The following RPS6KA6 variants were observed in gnomAD, a reference collection of about 807,000 sequenced individuals.
The protein encoded by RPS6KA6 is ribosomal protein S6 kinase alpha-6.
RPS6KA6 carries 27 observed loss-of-function variants against 65.4 expected under a neutral mutation model. The observed-to-expected ratio is 0.41, with a 90% CI of 0.30 to 0.57. RPS6KA6 has a LOEUF of 0.57. RPS6KA6 is among the 20% of genes least tolerant of loss of function. The pLI, the probability that RPS6KA6 is intolerant of heterozygous loss-of-function variation, is 0.24. For synonymous variants in RPS6KA6, 190 were observed against 184.2 expected (o/e 1.03, Z -0.26); for missense variants, 486 against 555.6 (o/e 0.87, Z 1.26).
intron 20 of RPS6KA6, among the ~76,000 whole-genome samples, chrX:84,069,844 T>C: frequency 8.9e-6 from 1 of 112,044 alleles, no homozygotes; most frequent in South Asian, 3.7e-4. Flanking sequence ...GAAATGCAAA[T>C]TGAAAACACA....
Position 84,173,637 on chromosome X carries a change from T to C in RPS6KA6, c.82-9250A>G, listed in dbSNP as rs2035720347. Among the ~76,000 whole-genome samples the C allele has an allele frequency of 5.3e-5, 6 of 112,502 alleles. No individual in the cohort carries two copies. The South Asian group carries it at 2.2e-3, about 41-fold the overall frequency. On this transcript the variant is annotated intron_variant, in intron 1 of 21. Coordinates refer to ENST00000262752, the MANE Select transcript of RPS6KA6 (RefSeq NM_014496.5). Reference sequence around the variant, plus strand: ...TATCATAATAGTATTGACTCAATAGTCTTAATTTAGTTTTTTTGTATCATT... The same window carrying C: ...TATCATAATAGTATTGACTCAATAGCCTTAATTTAGTTTTTTTGTATCATT...
rs559789800 is a variant in RPS6KA6, at chrX:84,140,068, G to A, written c.502-4858C>T. ...TAGATATGCAGACAGTCTCCTTCAA[G>A]TATTCAGTGGAGAAATACTCAGCAC... is the stretch of plus-strand genomic sequence containing the variant. On this transcript the variant is annotated intron_variant, in intron 6 of 21. Coordinates refer to ENST00000262752, the MANE Select transcript of RPS6KA6 (RefSeq NM_014496.5). Among the ~76,000 whole-genome samples, 14 of 111,929 alleles carry A rather than the reference G, an allele frequency of 1.3e-4. No individual in the cohort carries two copies. In the South Asian group the frequency reaches 4.9e-3, roughly 39 times the overall value.
chrX:84,187,765 T>C (rs180689922), intron 1 of RPS6KA6, 54 bp downstream of exon 1: 8 of 1,118,563 alleles, frequency 7.2e-6, no homozygotes, highest in Non-Finnish European at 9.7e-6. Context: ...AGCCAAGGTC[T>C]TGAGGGGAAG....
Position 84,116,096 on chromosome X carries a change from T to C in RPS6KA6, c.1008+133A>G, listed in dbSNP as rs2034559725. The C allele has an allele frequency of 2.0e-5, 8 of 398,126 alleles. No homozygotes were observed. In the South Asian group the frequency reaches 4.1e-4, roughly 20 times the overall value. The allele number at this position is 398,126 out of a possible 1,213,427, so 32.8% of individuals were successfully genotyped here. A position where few individuals can be genotyped will look rare whatever the true frequency, so the allele number is the denominator to read the frequency against. ...TGCACCCCCAGATCTAAATTATTTT[T>C]TTAAGAAAAAGAAAAATAAATATGT... On this transcript the variant is annotated intron_variant, in intron 12 of 21. Coordinates refer to ENST00000262752, the MANE Select transcript of RPS6KA6 (RefSeq NM_014496.5).
At chrX:84,123,126 C>A (rs771169141) in intron 8 of RPS6KA6, among the ~76,000 whole-genome samples, 1 of 111,419 alleles carries the variant, frequency 9.0e-6, no homozygotes, top group Non-Finnish European at 1.9e-5. Flanking sequence ...AAGAGAAGAA[C>A]CCAGTCCTGG....
intron 20 of RPS6KA6, among the ~76,000 whole-genome samples, chrX:84,067,971 T>C (rs2033442230): frequency 8.9e-6 from 1 of 111,832 alleles, no homozygotes; most frequent in Non-Finnish European, 1.9e-5. Context: ...TATTCAACAT[T>C]CTTAAAGAAA....
At chrX:84,142,396 C>G (rs1354229475) in intron 6 of RPS6KA6, among the ~76,000 whole-genome samples, 1 of 110,932 alleles carries the variant, frequency 9.0e-6, no homozygotes, top group Non-Finnish European at 1.9e-5. Flanking sequence ...ACACTAAACA[C>G]CTACATTATT....
intron 12 of RPS6KA6, 100 bp downstream of exon 12, chrX:84,116,129 T>C: frequency 2.1e-6 from 1 of 487,145 alleles, no homozygotes; most frequent in Non-Finnish European, 3.4e-6. Flanking sequence ...TGTATGTAAA[T>C]ATTCCACTGA....
rs1473534816 is a variant in RPS6KA6 at position 84,060,953 on chromosome X, T to A, written c.*3324A>T. The A allele has an allele frequency of 8.9e-6, 1 of 112,299 alleles. No homozygotes were observed. Among genetic ancestry groups the A allele is most frequent in the African/African-American group, 3.2e-5 (1 of 30,914 alleles). The allele number at this position is 112,299 out of a possible 1,213,427, so 9.3% of individuals were successfully genotyped here. ...CACCTTTTTAGCTGGAAATGTCTGTTCTGATAGAATGGATATCCTGATTTG... is the reference window on the plus strand; with the variant it reads ...CACCTTTTTAGCTGGAAATGTCTGTACTGATAGAATGGATATCCTGATTTG... On this transcript the variant is annotated 3_prime_UTR_variant, in exon 22 of 22. Coordinates refer to ENST00000262752, the MANE Select transcript of RPS6KA6 (RefSeq NM_014496.5).
rs750597129 is a variant in RPS6KA6, at chrX:84,117,198, G to T, written c.861-50C>A. 53 of 995,260 alleles carry T rather than the reference G, an allele frequency of 5.3e-5. No individual in the cohort carries two copies. In the Middle Eastern group the frequency reaches 1.3e-3, roughly 24 times the overall value. The allele number at this position is 995,260 out of a possible 1,213,427, so 82.0% of individuals were successfully genotyped here. A position where few individuals can be genotyped will look rare whatever the true frequency, so the allele number is the denominator to read the frequency against. Reference sequence around the variant, plus strand: ...TTCACTTAAATTTAGCCACATTTTTGATTTGAAAAATCTCAAAAAGAACTT... The same window carrying T: ...TTCACTTAAATTTAGCCACATTTTTTATTTGAAAAATCTCAAAAAGAACTT... On this transcript the variant is annotated intron_variant, in intron 10 of 21. Coordinates refer to ENST00000262752, the MANE Select transcript of RPS6KA6 (RefSeq NM_014496.5).
chrX:84,120,585 A>G (rs1018609495), intron 8 of RPS6KA6, among the ~76,000 whole-genome samples: 4 of 111,607 alleles, frequency 3.6e-5, no homozygotes, highest in Non-Finnish European at 7.5e-5. Flanking sequence ...GTATAAATAT[A>G]CATCTACAGC....
intron 9 of RPS6KA6, among the ~76,000 whole-genome samples, chrX:84,119,584 C>G (rs1233192061): frequency 9.0e-6 from 1 of 111,500 alleles, no homozygotes; most frequent in Non-Finnish European, 1.9e-5. Context: ...TACCATGTAA[C>G]TGATAAACTC....
intron 3 of RPS6KA6, among the ~76,000 whole-genome samples, chrX:84,151,118 T>G (rs1244627289): frequency 2.0e-5 from 2 of 98,551 alleles, no homozygotes; most frequent in African/African-American, 7.3e-5. Flanking sequence ...TAGATATATA[T>G]AGGATATATA....
chrX:84,065,961 C>T (rs772421226), intron 20 of RPS6KA6, among the ~76,000 whole-genome samples: 1 of 111,051 alleles, frequency 9.0e-6, no homozygotes, highest in East Asian at 2.9e-4. Flanking sequence ...GTCCAACTCA[C>T]GGAGGGTGAG....
chrX:84,143,380 A>G (rs2035141303), intron 6 of RPS6KA6, among the ~76,000 whole-genome samples: 1 of 111,268 alleles, frequency 9.0e-6, no homozygotes, highest in Admixed American at 9.6e-5. Flanking sequence ...AACAAGCTCA[A>G]TACACAAAAA....
At chrX:84,142,889 A>C (rs2035131648) in intron 6 of RPS6KA6, among the ~76,000 whole-genome samples, 1 of 111,028 alleles carries the variant, frequency 9.0e-6, no homozygotes, top group African/African-American at 3.3e-5. Flanking sequence ...TCACTGGTGA[A>C]TTCTATCAAT....
intron 9 of RPS6KA6, among the ~76,000 whole-genome samples, chrX:84,118,025 A>C (rs1056216030): frequency 1.8e-5 from 2 of 111,143 alleles, no homozygotes; most frequent in African/African-American, 3.3e-5. Flanking sequence ...GAAGGAAAAC[A>C]TTTTCTCAAA....
chrX:84,154,094 TC>T (rs1319084188), intron 3 of RPS6KA6, among the ~76,000 whole-genome samples: 1 of 111,434 alleles, frequency 9.0e-6, no homozygotes, highest in African/African-American at 3.2e-5. Context: ...TTAATCCGTT[TC>T]CACCTTTAAA....
intron 8 of RPS6KA6, among the ~76,000 whole-genome samples, chrX:84,121,503 T>A (rs919325754): frequency 8.9e-6 from 1 of 112,387 alleles, no homozygotes; most frequent in African/African-American, 3.2e-5. Flanking sequence ...TCAAACATTT[T>A]AAAGTTATGC....
Sources: gnomAD v4.1 joint callset for allele counts (sites outside exome capture counted in the v4.1 genomes callset) on GRCh38, gnomAD v4.1.1 for gene constraint, MANE v1.5 for transcripts, NCBI Gene and HGNC (gene_info 2026-07-23, HGNC 2026-07-21) for gene names.